Variants in PARN observed in about 807,000 individuals in gnomAD.
PARN encodes the protein poly(A)-specific ribonuclease PARN.
In PARN, 71 loss-of-function variants were observed where a neutral mutation model predicts 102.8. That is an observed-to-expected ratio of 0.69 (90% CI 0.57 to 0.84). PARN has a LOEUF of 0.84. Ranked by LOEUF, PARN falls within the 40% of genes least tolerant of loss-of-function variation. PARN has a pLI of 0.00. For missense variants in PARN, 782 were observed against 760.9 expected (o/e 1.03, Z -0.33); for synonymous variants, 261 against 252.9 (o/e 1.03, Z -0.30).
chr16:14,514,698 C>T (rs1392068140), intron 21 of PARN, among the ~76,000 whole-genome samples: 1 of 152,146 alleles, frequency 6.6e-6, no homozygotes, highest in African/African-American at 2.4e-5. Flanking sequence ...TGGCTATGAA[C>T]TGGAGTAACT....
intron 21 of PARN, among the ~76,000 whole-genome samples, chr16:14,494,901 A>G (rs1051309256): frequency 6.6e-6 from 1 of 152,200 alleles, no homozygotes; most frequent in African/African-American, 2.4e-5. Flanking sequence ...GTGGGAACAC[A>G]GGAATGGGGT....
intron 9 of PARN, among the ~76,000 whole-genome samples, chr16:14,607,584 T>A (rs1163495318): frequency 2.0e-5 from 3 of 152,132 alleles, no homozygotes; most frequent in African/African-American, 7.2e-5. Context: ...TTGCATGGTA[T>A]TAACAGCTTG....
At chr16:14,604,261 T>A in intron 10 of PARN, 35 bp from the exon 11 acceptor site, 1 of 1,347,828 alleles carries the variant, frequency 7.4e-7, no homozygotes, top group Non-Finnish European at 1.0e-6. Flanking sequence ...AATTTTCTTT[T>A]CTTTTTCTTT....
chr16:14,490,804 TAA>T (rs1167940671), intron 21 of PARN, among the ~76,000 whole-genome samples: 1 of 152,172 alleles, frequency 6.6e-6, no homozygotes, highest in African/African-American at 2.4e-5. Flanking sequence ...TCATATTCCA[TAA>T]AGTTTGATCA....
chr16:14,563,512 GTGTGTGTGTGTA>G (rs1194664738), intron 18 of PARN, among the ~76,000 whole-genome samples: 1 of 129,804 alleles, frequency 7.7e-6, no homozygotes, highest in African/African-American at 2.8e-5. Context: ...GTGTGTGTGT[GTGTGTGTGTGTA>G]TATAATTCTT....
chr16:14,505,873 A>T (rs764732345), intron 21 of PARN, among the ~76,000 whole-genome samples: 20 of 152,194 alleles, frequency 1.3e-4, no homozygotes, highest in Admixed American at 2.6e-4. Flanking sequence ...TCCATTTTTT[A>T]AAAAAATCAT....
intron 11 of PARN, among the ~76,000 whole-genome samples, chr16:14,602,922 CT>C (rs540387565): frequency 7.5e-4 from 111 of 148,932 alleles, no homozygotes; most frequent in Non-Finnish European, 1.2e-3. Context: ...CATCTCGTAT[CT>C]TTTTTTTTTA....
intron 21 of PARN, among the ~76,000 whole-genome samples, chr16:14,535,886 G>A (rs886239738): frequency 2.6e-5 from 4 of 152,126 alleles, no homozygotes; most frequent in South Asian, 4.1e-4. Flanking sequence ...TTGGAGTCTC[G>A]GAATGTATCC....
chr16:14,519,118 G>A (rs557398283), intron 21 of PARN, among the ~76,000 whole-genome samples: 50 of 149,026 alleles, frequency 3.4e-4, no homozygotes, highest in Non-Finnish European at 6.3e-4. Context: ...GTGTCATTGA[G>A]AACCAGGATT....
chr16:14,559,978 G>A (rs1326451669), intron 18 of PARN, among the ~76,000 whole-genome samples: 3 of 152,146 alleles, frequency 2.0e-5, no homozygotes, highest in East Asian at 1.9e-4. Context: ...GCCTCCCACC[G>A]TCCTTATGCC....
intron 12 of PARN, among the ~76,000 whole-genome samples, chr16:14,599,320 G>T (rs1188607985): frequency 2.0e-5 from 3 of 152,134 alleles, no homozygotes; most frequent in African/African-American, 7.2e-5. Flanking sequence ...TGGGATTACA[G>T]ACATGAGCCA....
At chr16:14,451,869 C>CAAAA (rs869041563) in intron 22 of PARN, among the ~76,000 whole-genome samples, 5 of 52,496 alleles carry the variant, frequency 9.5e-5, no homozygotes, top group South Asian at 8.3e-4. Context: ...AAAAAAAATA[C>CAAAA]AAAAAAAAAA....
chr16:14,457,917 GGGGTGTGTGTGTGGGT>G (rs1567290986), intron 22 of PARN, among the ~76,000 whole-genome samples: 1 of 138,200 alleles, frequency 7.2e-6, no homozygotes, highest in Admixed American at 8.2e-5. Flanking sequence ...TGTGTGTGTG[GGGGTGTGTGTGTGGGT>G]GTGTGTGTGT....
At chr16:14,608,340 G>A (rs775996915) in intron 8 of PARN, 21 bp from the exon 9 acceptor site, 2 of 1,492,936 alleles carry the variant, frequency 1.3e-6, no homozygotes, top group East Asian at 2.5e-5. Context: ...AAAAGAAAAG[G>A]TATTGATTTT....
At chr16:14,466,658 A>C (rs2151579142) in intron 22 of PARN, among the ~76,000 whole-genome samples, 1 of 152,284 alleles carries the variant, frequency 6.6e-6, no homozygotes. Flanking sequence ...TTTCTTCAAA[A>C]ATGTCCTCCC....
chr16:14,455,464 G>A (rs549966864), intron 22 of PARN, among the ~76,000 whole-genome samples: 104 of 152,124 alleles, frequency 6.8e-4, no homozygotes, highest in Middle Eastern at 3.4e-3. Flanking sequence ...ACAAAGAACC[G>A]TAGCCTACAT....
chr16:14,437,312 G>C (rs540633556), intron 23 of PARN, among the ~76,000 whole-genome samples: 7 of 152,344 alleles, frequency 4.6e-5, no homozygotes, highest in African/African-American at 1.4e-4. Context: ...TCTCTGTGCT[G>C]TGCTGTGGCT....
chr16:14,501,210 A>T (rs1293053803), intron 21 of PARN, among the ~76,000 whole-genome samples: 2 of 150,376 alleles, frequency 1.3e-5, no homozygotes, highest in Non-Finnish European at 3.0e-5. Context: ...GGATTATTTG[A>T]GCCTGCCCAG....
At chr16:14,490,088 G>A (rs540171044) in intron 21 of PARN, among the ~76,000 whole-genome samples, 43 of 152,350 alleles carry the variant, frequency 2.8e-4, no homozygotes, top group Admixed American at 1.2e-3. Context: ...AGCCCGGGAT[G>A]TGGAGGTTGC....
Sources: gnomAD v4.1 joint callset for allele counts (sites outside exome capture counted in the v4.1 genomes callset) on GRCh38, gnomAD v4.1.1 for gene constraint, MANE v1.5 for transcripts, NCBI Gene and HGNC (gene_info 2026-07-23, HGNC 2026-07-21) for gene names.